Variants in ARHGAP15 observed in about 807,000 individuals in gnomAD.
ARHGAP15 encodes Rho GTPase activating protein 15.
ARHGAP15 carries 51 observed loss-of-function variants against 63.7 expected under a neutral mutation model. The observed-to-expected ratio is 0.80, with a 90% CI of 0.64 to 1.01. The LOEUF (loss-of-function observed/expected upper bound fraction) is 1.01, where lower values mean the gene tolerates loss of function less well. ARHGAP15 is among the 50% of genes least tolerant of loss of function. The pLI is 0.00. For synonymous variants in ARHGAP15, 191 were observed against 193.8 expected (o/e 0.99, Z 0.12); for missense variants, 560 against 564.6 (o/e 0.99, Z 0.08).
At chr2:143,189,502 CTT>C (rs771848951) in intron 2 of ARHGAP15, among the ~76,000 whole-genome samples, 23 of 140,230 alleles carry the variant, frequency 1.6e-4, no homozygotes, top group East Asian at 2.0e-4. Flanking sequence ...TTCTTTCTTT[CTT>C]TTTTTTTTTT....
chr2:143,721,809 C>T (rs1685072047), intron 13 of ARHGAP15, among the ~76,000 whole-genome samples: 1 of 152,108 alleles, frequency 6.6e-6, no homozygotes, highest in Non-Finnish European at 1.5e-5. Flanking sequence ...GCCTCAGCCT[C>T]CTGAGTAGCT....
intron 6 of ARHGAP15, among the ~76,000 whole-genome samples, chr2:143,376,658 GTATGCCATATAA>G (rs1419652428): frequency 6.6e-6 from 1 of 151,534 alleles, no homozygotes; most frequent in African/African-American, 2.4e-5. Flanking sequence ...ATTTTAAAGG[GTATGCCATATAA>G]AATCTATCAT....
intron 8 of ARHGAP15, among the ~76,000 whole-genome samples, chr2:143,485,169 C>G (rs934673897): frequency 6.6e-6 from 1 of 152,120 alleles, no homozygotes; most frequent in Admixed American, 6.5e-5. Flanking sequence ...TGGTTTGCTG[C>G]AACTATCAAC....
At chr2:143,637,845 T>C (rs1046499285) in intron 12 of ARHGAP15, among the ~76,000 whole-genome samples, 3 of 151,252 alleles carry the variant, frequency 2.0e-5, no homozygotes, top group Non-Finnish European at 2.9e-5. Context: ...GCGAAGGACA[T>C]GAACAGACAC....
At chr2:143,201,850 G>T (rs922015963) in intron 2 of ARHGAP15, among the ~76,000 whole-genome samples, 5 of 152,080 alleles carry the variant, frequency 3.3e-5, no homozygotes, top group Non-Finnish European at 5.9e-5. Flanking sequence ...CAGGCATAAG[G>T]TCTGCCCAGG....
intron 12 of ARHGAP15, among the ~76,000 whole-genome samples, chr2:143,673,756 G>GTGTGTGTATATATATGTATATATATATA (rs1682668589): frequency 3.2e-5 from 1 of 30,988 alleles, no homozygotes; most frequent in African/African-American, 7.0e-5. Context: ...GTGTGTGTGT[G>GTGTGTGTATATATATGTATATATATATA]TGTATATATA....
intron 11 of ARHGAP15, among the ~76,000 whole-genome samples, chr2:143,618,440 A>G (rs1227400819): frequency 6.6e-6 from 1 of 152,232 alleles, no homozygotes; most frequent in East Asian, 1.9e-4. Context: ...GGAAGCAGGG[A>G]CATCATCCTT....
At chr2:143,681,948 G>A (rs1683117531) in intron 12 of ARHGAP15, among the ~76,000 whole-genome samples, 1 of 152,184 alleles carries the variant, frequency 6.6e-6, no homozygotes, top group South Asian at 2.1e-4. Flanking sequence ...TTTAAGTAAT[G>A]CTAGAAGGCT....
intron 6 of ARHGAP15, among the ~76,000 whole-genome samples, chr2:143,366,161 T>A (rs2105346732): frequency 6.6e-6 from 1 of 152,314 alleles, no homozygotes; most frequent in East Asian, 1.9e-4. Flanking sequence ...TCTTATTATG[T>A]GTTGAGGTCC....
chr2:143,498,886 G>A (rs780718549), intron 9 of ARHGAP15, among the ~76,000 whole-genome samples: 11 of 152,102 alleles, frequency 7.2e-5, no homozygotes, highest in Non-Finnish European at 1.5e-4. Flanking sequence ...ATTTGAAGTA[G>A]GGACTGTGCT....
chr2:143,144,713 C>G (rs1290527973), intron 1 of ARHGAP15, among the ~76,000 whole-genome samples: 1 of 151,962 alleles, frequency 6.6e-6, no homozygotes, highest in Non-Finnish European at 1.5e-5. Flanking sequence ...ACTCATTTAT[C>G]TCTCACTATT....
In ARHGAP15 at chr2:143,480,376, G is replaced by A. The variant is rs148250926; in HGVS notation, c.704-6997G>A. On this transcript the variant is annotated intron_variant, in intron 8 of 13. Transcript: ENST00000295095. ...CAGTCTAAAAGTAAACATTTTAATTGTATGAATTTTCACTTCTCCTTAAAT... is the reference window on the plus strand; with the variant it reads ...CAGTCTAAAAGTAAACATTTTAATTATATGAATTTTCACTTCTCCTTAAAT... 2.3e-3 allele frequency among the ~76,000 whole-genome samples: 354 copies of A among 152,270 alleles called. 1 individual carries two copies. The highest frequency in any genetic ancestry group is 4.2e-3 in the Non-Finnish European group (288 of 68,008).
chr2:143,270,180 A>G (rs545555515), intron 6 of ARHGAP15, among the ~76,000 whole-genome samples: 29 of 152,276 alleles, frequency 1.9e-4, no homozygotes, highest in South Asian at 8.3e-4. Context: ...CACGTTGGCC[A>G]GGCTGGTCTC....
At chr2:143,216,794 C>T (rs1042379616) in intron 4 of ARHGAP15, among the ~76,000 whole-genome samples, 1 of 152,106 alleles carries the variant, frequency 6.6e-6, no homozygotes, top group Admixed American at 6.5e-5. Context: ...CTATACAATA[C>T]CTTGTGAGAA....
chr2:143,206,342 TAAG>T (rs1692329160), intron 3 of ARHGAP15, among the ~76,000 whole-genome samples: 1 of 152,176 alleles, frequency 6.6e-6, no homozygotes, highest in South Asian at 2.1e-4. Flanking sequence ...ATTGATGTAA[TAAG>T]AAATTAAAAG....
intron 12 of ARHGAP15, among the ~76,000 whole-genome samples, chr2:143,664,366 C>A (rs1485491452): frequency 6.6e-6 from 1 of 151,406 alleles, no homozygotes; most frequent in African/African-American, 2.4e-5. Flanking sequence ...TCTTTGAAAC[C>A]AACGAGAACA....
intron 11 of ARHGAP15, among the ~76,000 whole-genome samples, chr2:143,594,286 G>A (rs958965274): frequency 1.3e-5 from 2 of 152,138 alleles, no homozygotes; most frequent in African/African-American, 2.4e-5. Context: ...ACAGCTGGCT[G>A]GCATTTATTG....
intron 8 of ARHGAP15, chr2:143,480,634 T>C (rs770819966): frequency 2.0e-5 from 3 of 152,202 alleles, no homozygotes; most frequent in Non-Finnish European, 4.4e-5. Flanking sequence ...TTTTTCAGGC[T>C]GCAAGTTGGG....
At chr2:143,296,688 C>T (rs887476873) in intron 6 of ARHGAP15, among the ~76,000 whole-genome samples, 1 of 151,818 alleles carries the variant, frequency 6.6e-6, no homozygotes, top group Non-Finnish European at 1.5e-5. Flanking sequence ...TAAACTTTTA[C>T]TTTAGGTATT....
Sources: allele counts gnomAD v4.1 joint callset (sites outside exome capture counted in the v4.1 genomes callset), GRCh38; gene constraint gnomAD v4.1.1; transcripts MANE v1.5; gene names NCBI Gene and HGNC (gene_info 2026-07-23, HGNC 2026-07-21).